Variants in MTA1 observed in about 807,000 individuals in gnomAD.
MTA1 encodes metastasis-associated protein MTA1.
Under a neutral mutation model 97.0 loss-of-function variants are expected in MTA1, and 15 were observed. That is an observed-to-expected ratio of 0.15 (90% CI 0.10 to 0.24). The LOEUF (loss-of-function observed/expected upper bound fraction) is 0.24. MTA1 is among the 10% of genes least tolerant of loss of function. The pLI, the probability that MTA1 is intolerant of heterozygous loss-of-function variation, is 1.00. For missense variants in MTA1, 709 were observed against 1,015.1 expected, an observed-to-expected ratio of 0.70 and a Z score of 4.10; for synonymous variants, 435 against 417.5, an observed-to-expected ratio of 1.04 and a Z score of -0.51.
At chr14:105,444,095 C>T (rs762404832) in intron 2 of MTA1, among the ~76,000 whole-genome samples, 3 of 127,584 alleles carry the variant, frequency 2.4e-5, no homozygotes, top group South Asian at 2.6e-4. Flanking sequence ...CTAAAAAGGC[C>T]GGGTGCGGTG....
chr14:105,468,315 T>C (rs1474651420), intron 18 of MTA1: 8 of 1,304,216 alleles, frequency 6.1e-6, no homozygotes, highest in Non-Finnish European at 8.1e-6. Context: ...GTTTCTTCCC[T>C]CTGCTGTCCA....
At chr14:105,464,228 C>G in intron 13 of MTA1, 81 bp downstream of exon 13, 1 of 1,484,592 alleles carries the variant, frequency 6.7e-7, no homozygotes, top group Non-Finnish European at 9.2e-7. Context: ...AGGGCTCCAG[C>G]ATGGCCCAGC....
intron 1 of MTA1, among the ~76,000 whole-genome samples, chr14:105,437,739 G>A (rs1555424771): frequency 6.6e-6 from 1 of 152,232 alleles, no homozygotes; most frequent in Non-Finnish European, 1.5e-5. Context: ...TCCCCCCTGC[G>A]GAGCTGATGC....
chr14:105,469,750 G>C (rs1302268756), intron 19 of MTA1, 91 bp from the exon 20 acceptor site: 2 of 1,412,958 alleles, frequency 1.4e-6, no homozygotes, highest in Non-Finnish European at 1.9e-6. Context: ...GTGGGGGGTT[G>C]GCCAGGCACA....
chr14:105,420,335 C>T lies in MTA1; in HGVS notation c.28+272C>T, dbSNP rs1163994687. Among the ~76,000 whole-genome samples, 1 of 148,646 alleles carries T rather than the reference C, an allele frequency of 6.7e-6. No individual in the cohort carries two copies. Among genetic ancestry groups the T allele is most frequent in the Non-Finnish European group, 1.5e-5 (1 of 66,924 alleles). On this transcript the variant is annotated intron_variant, in intron 1 of 20. Transcript: ENST00000331320. This position sits in a 1 kb window ranked among gnomAD's most constrained non-coding sequence, Gnocchi z 5.3. ...GCCGAGGGGGCGGCCGCGGGGGTGG[C>T]GGGGGGGCGCGGGGCCTGCGGGACA... is the stretch of plus-strand genomic sequence containing the variant.
intron 2 of MTA1, among the ~76,000 whole-genome samples, chr14:105,444,824 T>C (rs1338148681): frequency 6.6e-6 from 1 of 151,972 alleles, no homozygotes; most frequent in African/African-American, 2.4e-5. Context: ...TAAATAGTAT[T>C]CCATTAGGCA....
chr14:105,437,095 G>A (rs1595302197), intron 1 of MTA1, among the ~76,000 whole-genome samples: 1 of 152,246 alleles, frequency 6.6e-6, no homozygotes, highest in Admixed American at 6.5e-5. Flanking sequence ...AGCTCTATGT[G>A]GGCGTAGCCT....
At chr14:105,454,134 T>C in intron 6 of MTA1, 59 bp from the exon 7 acceptor site, 2 of 1,374,574 alleles carry the variant, frequency 1.5e-6, no homozygotes, top group Non-Finnish European at 2.1e-6. Context: ...GACGCCTCTC[T>C]GACCCTCCCA....
chr14:105,464,929 G>A lies in MTA1; in HGVS notation c.1534+66G>A, dbSNP rs2083506059. 1.2e-5 allele frequency: 18 copies of A among 1,490,446 alleles called. No individual in the cohort carries two copies. The African/African-American group carries it at 1.3e-4, about 10-fold the overall frequency. 92.3% of individuals were successfully genotyped at this position (1,490,446 alleles called of 1,614,324 possible). ...TGGTGGGGAGAGAGCAGCAACCTTG[G>A]GGCCCAGCCTGTAGCCCCACTGGGA... On this transcript the variant is annotated intron_variant, in intron 15 of 20. Transcript: ENST00000331320.
chr14:105,422,251 G>C lies in MTA1; in HGVS notation c.28+2188G>C, dbSNP rs1471466442. 1.3e-5 allele frequency among the ~76,000 whole-genome samples: 2 copies of C among 152,140 alleles called. No individual in the cohort carries two copies. The highest frequency in any genetic ancestry group is 2.9e-5 in the Non-Finnish European group (2 of 68,032). On this transcript the variant is annotated intron_variant, in intron 1 of 20. Transcript: ENST00000331320. This position sits in a 1 kb window ranked among gnomAD's most constrained non-coding sequence, Gnocchi z 4.3. Reference sequence around the variant, plus strand: ...CTTCTGGACCGGAACCCTGGGTTCCGGCAGGACCCCGGCAGAGCCCTGTGG... The same window carrying C: ...CTTCTGGACCGGAACCCTGGGTTCCCGCAGGACCCCGGCAGAGCCCTGTGG...
chr14:105,459,046 CCCTGGGGAGCTGTGT>C (rs2083261156), intron 8 of MTA1, among the ~76,000 whole-genome samples: 3 of 120,150 alleles, frequency 2.5e-5, no homozygotes, highest in African/African-American at 6.2e-5. Context: ...GGTCCCTGGT[CCCTGGGGAGCTGTGT>C]GCCTGGGGGG....
At chr14:105,455,539 G>C (rs1051544613) in intron 7 of MTA1, among the ~76,000 whole-genome samples, 1 of 152,180 alleles carries the variant, frequency 6.6e-6, no homozygotes, top group South Asian at 2.1e-4. Context: ...AAGGCGTTTC[G>C]TGCTTGTCCT....
chr14:105,445,575 G>T lies in MTA1; in HGVS notation c.190+64G>T, dbSNP rs1453025529. The T allele has an allele frequency of 1.9e-6, 3 of 1,554,112 alleles. No individual in the cohort carries two copies. The African/African-American group carries it at 4.1e-5, about 21-fold the overall frequency. On this transcript the variant is annotated intron_variant, in intron 3 of 20. Transcript: ENST00000331320. ...GGGTCGGCTGGGGAGGGCTGGCGGG[G>T]TCCTTCTTCCCTAGGGCCCATCGGC...
At chr14:105,432,034 A>C (rs78514343) in intron 1 of MTA1, among the ~76,000 whole-genome samples, 7,192 of 151,912 alleles carry the variant, frequency 0.047, 541 homozygotes, top group African/African-American at 0.16. Context: ...TTAAAAAAAA[A>C]CCTTTTTTAA....
chr14:105,470,308 GC>G lies in MTA1; in HGVS notation c.*97del. ...GCCGCCCGCCCCTCAGTTTGGTAGT[GC>G]CCCACCTCCCGCCCTCACCTGCAGA... On this transcript the variant is annotated 3_prime_UTR_variant, in exon 21 of 21. Transcript: ENST00000331320. The G allele has an allele frequency of 8.9e-7, 1 of 1,129,344 alleles. No homozygotes were observed. Among genetic ancestry groups the G allele is most frequent in the Non-Finnish European group, 1.2e-6 (1 of 857,470 alleles). 70.0% of individuals were successfully genotyped at this position (1,129,344 alleles called of 1,614,324 possible).
At chr14:105,454,366 GAC>G in intron 7 of MTA1, 56 bp downstream of exon 7, 1 of 1,261,762 alleles carries the variant, frequency 7.9e-7, no homozygotes, top group African/African-American at 1.5e-5. Context: ...CCTGCCGGGT[GAC>G]ACACTGGGTG....
At chr14:105,438,525 G>C (rs1005451320) in intron 1 of MTA1, 147 bp from the exon 2 acceptor site, 1 of 722,792 alleles carries the variant, frequency 1.4e-6, no homozygotes, top group Non-Finnish European at 2.4e-6. Flanking sequence ...TGGGGGCTTC[G>C]CTTCCTCTGT....
Position 105,469,796 on chromosome 14 carries a change from AG to A in MTA1, c.1846-44del, listed in dbSNP as rs782139205. The A allele has an allele frequency of 2.2e-5, 33 of 1,528,150 alleles. No individual in the cohort carries two copies. In the South Asian group the frequency reaches 3.5e-4, roughly 16 times the overall value. 94.7% of individuals were successfully genotyped at this position (1,528,150 alleles called of 1,614,324 possible). A position where few individuals can be genotyped will look rare whatever the true frequency, so the allele number is the denominator to read the frequency against. On this transcript the variant is annotated intron_variant, in intron 19 of 20. Coordinates refer to ENST00000331320, the MANE Select transcript of MTA1 (RefSeq NM_004689.4). ...GCGGGAGCCCTGCAGGTTGAGGTGG[AG>A]CTGGCCCTTGGCTGGCTGCCCAGGA...
At chr14:105,430,182 C>T (rs1476480292) in intron 1 of MTA1, among the ~76,000 whole-genome samples, 1 of 152,170 alleles carries the variant, frequency 6.6e-6, no homozygotes, top group African/African-American at 2.4e-5. Context: ...TAAGCTTAGT[C>T]ATTTATTTCC....
Sources: gnomAD v4.1 joint callset for allele counts (sites outside exome capture counted in the v4.1 genomes callset) on GRCh38, gnomAD v4.1.1 for gene constraint, Gnocchi (gnomAD v3.1) non-coding constraint, MANE v1.5 for transcripts, NCBI Gene and HGNC (gene_info 2026-07-23, HGNC 2026-07-21) for gene names.